The following PILRA variants were observed in gnomAD, a reference collection of about 807,000 sequenced individuals.
PILRA encodes paired immunoglobulin-like type 2 receptor alpha.
In PILRA, 37 loss-of-function variants were observed where a neutral mutation model predicts 33.1. That is an observed-to-expected ratio of 1.12 (90% CI 0.86 to 1.47). PILRA has a LOEUF of 1.47. PILRA is among the 40% of genes most tolerant of loss of function. The pLI, the probability that PILRA is intolerant of heterozygous loss-of-function variation, is 0.00. For missense variants in PILRA, 312 were observed against 376.2 expected (o/e 0.83, Z 1.41); for synonymous variants, 146 against 149.9 (o/e 0.97, Z 0.19).
chr7:100,382,633 G>C (rs1791135757), intron 2 of PILRA, among the ~76,000 whole-genome samples: 1 of 152,258 alleles, frequency 6.6e-6, no homozygotes, highest in Non-Finnish European at 1.5e-5. Flanking sequence ...GTGGTGCCAG[G>C]TAAGGGAATA....
chr7:100,373,740 C>A lies in PILRA; in HGVS notation c.64+20C>A. On this transcript the variant is annotated intron_variant, in intron 1 of 6. Transcript: ENST00000198536. ...AGCCTAGTGAGTACCCAGGACCACC[C>A]AGATGTGGGCTCTGCCCAAACCACA... The A allele has an allele frequency of 1.2e-6, 2 of 1,612,476 alleles. No individual in the cohort carries two copies. Among genetic ancestry groups the A allele is most frequent in the African/African-American group, 1.3e-5 (1 of 75,048 alleles).
upstream of PILRA, among the ~76,000 whole-genome samples, chr7:100,373,073 C>T (rs1381944135): frequency 6.6e-6 from 1 of 151,880 alleles, no homozygotes; most frequent in Non-Finnish European, 1.5e-5. Flanking sequence ...TGCATGGGAG[C>T]CCCTGCCAGG....
At chr7:100,373,359 C>A (rs966955018), upstream of PILRA, 8 of 557,940 alleles carry the variant, frequency 1.4e-5, no homozygotes, top group African/African-American at 1.5e-4. Context: ...CCCCCAAGGT[C>A]AGGCCCAGCC....
rs1584227685 is a variant in PILRA, at chr7:100,395,048, A to ATT, written c.674-2830_674-2829insTT. ...AAAGGCAACCTATAGAATGGGGAAAATATTTGTAAATTATATATCTGATAA... is the reference window on the plus strand; with the variant it reads ...AAAGGCAACCTATAGAATGGGGAAAATTTATTTGTAAATTATATATCTGATAA... On this transcript the variant is annotated intron_variant, in intron 3 of 6. Coordinates refer to ENST00000198536, the MANE Select transcript of PILRA (RefSeq NM_013439.3). 1.4e-4 allele frequency among the ~76,000 whole-genome samples: 22 copies of ATT among 152,354 alleles called. No homozygotes were observed. The East Asian group carries it at 3.9e-3, about 27-fold the overall frequency.
rs1199181539 is a variant in PILRA at position 100,396,456 on chromosome 7, C to T, written c.674-1423C>T. Among the ~76,000 whole-genome samples, 7 of 152,248 alleles carry T rather than the reference C, an allele frequency of 4.6e-5. 1 individual carries two copies. The highest frequency in any genetic ancestry group is 3.9e-4 in the Admixed American group (6 of 15,292). ...TCACCTGAGGTCAGGAGTTCGAGAC[C>T]AGCATGACCAACGTGGTGAAACCCT... On this transcript the variant is annotated intron_variant, in intron 3 of 6. Transcript: ENST00000198536.
At chr7:100,387,508 C>G (rs1205886258) in intron 2 of PILRA, among the ~76,000 whole-genome samples, 1 of 152,184 alleles carries the variant, frequency 6.6e-6, no homozygotes, top group Admixed American at 6.5e-5. Flanking sequence ...GCCACTGTGC[C>G]TGGCCCCAAG....
chr7:100,385,784 C>T (rs540931775), intron 2 of PILRA, among the ~76,000 whole-genome samples: 10 of 152,028 alleles, frequency 6.6e-5, no homozygotes, highest in South Asian at 4.1e-4. Flanking sequence ...CATGTGCCAC[C>T]GCACCTGGCT....
upstream of PILRA, among the ~76,000 whole-genome samples, chr7:100,372,226 G>A (rs774095125): frequency 3.3e-5 from 5 of 151,560 alleles, no homozygotes; most frequent in Non-Finnish European, 7.4e-5. Context: ...CAGAGAATGA[G>A]GTGTTTAGGG....
upstream of PILRA, among the ~76,000 whole-genome samples, chr7:100,372,554 C>T (rs375092867): frequency 2.0e-5 from 3 of 152,196 alleles, no homozygotes; most frequent in Non-Finnish European, 4.4e-5. Context: ...TGACCACCCC[C>T]GGGCAAAGGC....
At chr7:100,381,835 C>T (rs1011198083) in intron 2 of PILRA, among the ~76,000 whole-genome samples, 19 of 152,190 alleles carry the variant, frequency 1.2e-4, no homozygotes, top group Admixed American at 1.2e-3. Flanking sequence ...GGCCGGCCGG[C>T]CCCGGGCAGT....
At chr7:100,382,355 A>G (rs1279950460) in intron 2 of PILRA, among the ~76,000 whole-genome samples, 1 of 152,086 alleles carries the variant, frequency 6.6e-6, no homozygotes, top group Admixed American at 6.5e-5. Flanking sequence ...CTCTGTATCT[A>G]GCTAATCTAG....
rs191900740 is a variant in PILRA, at chr7:100,386,291, T to A, written c.455-3597T>A. Reference sequence around the variant, plus strand: ...GTGCTCTGAATCAGCAATGCCTTTTTAAATGGCCGCATGCATCCCATGGTA... The same window carrying A: ...GTGCTCTGAATCAGCAATGCCTTTTAAAATGGCCGCATGCATCCCATGGTA... On this transcript the variant is annotated intron_variant, in intron 2 of 6. Coordinates refer to ENST00000198536, the MANE Select transcript of PILRA (RefSeq NM_013439.3). Among the ~76,000 whole-genome samples, 6 of 152,296 alleles carry A rather than the reference T, an allele frequency of 3.9e-5. No homozygotes were observed. The East Asian group carries it at 1.2e-3, about 29-fold the overall frequency.
In PILRA at chr7:100,374,360, T is replaced by A. The variant is rs769116330; in HGVS notation, c.381T>A (p.Val127=). ...KQDQSVYFCR[V]ELDTRSSGRQ... ...ACCAGTCTGTGTATTTCTGCCGAGTTGAGCTGGACACACGGAGCTCAGGGA... is the reference window on the plus strand; with the variant it reads ...ACCAGTCTGTGTATTTCTGCCGAGTAGAGCTGGACACACGGAGCTCAGGGA... Residue 127 remains valine (V), a synonymous_variant, in exon 2 of 7, where the codon GTT becomes GTA. Transcript: ENST00000198536. 2 of 1,614,094 alleles carry A rather than the reference T, an allele frequency of 1.2e-6. No individual in the cohort carries two copies. Among genetic ancestry groups the A allele is most frequent in the Non-Finnish European group, 1.7e-6 (2 of 1,180,000 alleles).
chr7:100,384,460 C>T (rs1218774973), intron 2 of PILRA, among the ~76,000 whole-genome samples: 1 of 146,532 alleles, frequency 6.8e-6, no homozygotes, highest in Non-Finnish European at 1.5e-5. Context: ...CGGAGTCTCA[C>T]TCTGTCACCC....
intron 6 of PILRA, 85 bp downstream of exon 6, chr7:100,399,697 G>T: frequency 6.2e-7 from 1 of 1,610,924 alleles, no homozygotes; most frequent in Non-Finnish European, 8.5e-7. Flanking sequence ...TGTGGTGTGG[G>T]CAGGAGAGTC....
At chr7:100,381,735 G>A (rs1791100158) in intron 2 of PILRA, among the ~76,000 whole-genome samples, 1 of 152,202 alleles carries the variant, frequency 6.6e-6, no homozygotes, top group African/African-American at 2.4e-5. Flanking sequence ...GGAGGGAGAG[G>A]CGCGGGCGGG....
intron 3 of PILRA, among the ~76,000 whole-genome samples, chr7:100,397,005 G>C (rs1437305719): frequency 4.7e-5 from 7 of 149,542 alleles, no homozygotes; most frequent in Admixed American, 4.7e-4. Flanking sequence ...TTTACCGTAA[G>C]TAAAATAAAA....
intron 2 of PILRA, chr7:100,374,853 G>A (rs1398113455): frequency 1.1e-5 from 3 of 275,580 alleles, no homozygotes; most frequent in East Asian, 9.1e-5. Flanking sequence ...GTGCCTCAGG[G>A]TGGGCCCCAT....
chr7:100,396,541 A>C (rs1791496246), intron 3 of PILRA, among the ~76,000 whole-genome samples: 1 of 152,132 alleles, frequency 6.6e-6, no homozygotes, highest in Admixed American at 6.5e-5. Flanking sequence ...AATCTCAGCT[A>C]CTTGGGAGCT....
Sources: allele counts gnomAD v4.1 joint callset (sites outside exome capture counted in the v4.1 genomes callset), GRCh38; gene constraint gnomAD v4.1.1; transcripts MANE v1.5; gene names NCBI Gene and HGNC (gene_info 2026-07-23, HGNC 2026-07-21).